Variants in PCCB observed in about 807,000 individuals in gnomAD.
PCCB encodes the protein propionyl-CoA carboxylase beta chain, mitochondrial.
A neutral mutation model predicts 60.7 loss-of-function variants in PCCB; 43 were observed. The ratio of observed to expected loss-of-function variants is 0.71; its 90% confidence interval spans 0.55 to 0.91. The LOEUF (loss-of-function observed/expected upper bound fraction) is 0.91. Among genes scored for constraint, PCCB ranks in the 40% least tolerant of loss-of-function variants. PCCB has a pLI of 0.00. For synonymous variants in PCCB, 276 were observed against 255.9 expected (o/e 1.08, Z -0.75); for missense variants, 766 against 702.8 (o/e 1.09, Z -1.02).
At chr3:136,295,225 A>T (rs1426750754) in intron 7 of PCCB, among the ~76,000 whole-genome samples, 1 of 152,226 alleles carries the variant, frequency 6.6e-6, no homozygotes, top group African/African-American at 2.4e-5. Context: ...TGATTTATGC[A>T]CCTCATTGTA....
chr3:136,260,513 C>T lies in PCCB; in HGVS notation c.407C>T (p.Ala136Val), dbSNP rs746745733. Residue 136 changes from alanine (A) to valine (V), a missense_variant, in exon 4 of 15, where the codon GCA becomes GTA. Transcript: ENST00000251654. Reference sequence around the variant, plus strand: ...GTTTTTGGAGGCAGTCTGTCAGGAGCACATGCCCAAAAGATCTGCAAAGTA... The same window carrying T: ...GTTTTTGGAGGCAGTCTGTCAGGAGTACATGCCCAAAAGATCTGCAAAGTA... ...FTVFGGSLSG[A>V]HAQKICKIMD... is the part of the protein sequence containing the mutation. 5 of 1,613,500 alleles carry T rather than the reference C, an allele frequency of 3.1e-6. No homozygotes were observed. Among genetic ancestry groups the T allele is most frequent in the Admixed American group, 1.7e-5 (1 of 60,004 alleles).
intron 5 of PCCB, among the ~76,000 whole-genome samples, chr3:136,268,087 G>GACATATATATAT (rs1553775716): frequency 1.1e-5 from 1 of 93,800 alleles, no homozygotes; most frequent in African/African-American, 4.6e-5. Context: ...TGTGTGTGTA[G>GACATATATATAT]ATATATATAT....
intron 10 of PCCB, among the ~76,000 whole-genome samples, chr3:136,325,091 T>C (rs1935256096): frequency 6.6e-6 from 1 of 152,138 alleles, no homozygotes; most frequent in Non-Finnish European, 1.5e-5. Context: ...GGTTTTGCCA[T>C]TTTGGCCAGG....
chr3:136,251,102 G>T, intron 1 of PCCB: 1 of 415,582 alleles, frequency 2.4e-6, no homozygotes, highest in Non-Finnish European at 4.9e-6. Context: ...GCTCTTTAGG[G>T]CCTTAGCATG....
At chr3:136,304,390 A>T (rs71336056) in intron 9 of PCCB, among the ~76,000 whole-genome samples, 65,876 of 113,618 alleles carry the variant, frequency 0.58, 25,084 homozygotes, top group African/African-American at 0.61. Flanking sequence ...TTATTTATTT[A>T]TTTTTTTTTG....
In PCCB at chr3:136,250,524, G is replaced by C; in HGVS notation, c.149G>C (p.Gly50Ala). 6.2e-7 allele frequency: 1 copy of C among 1,612,968 alleles called. No individual in the cohort carries two copies. Among genetic ancestry groups the C allele is most frequent in the Non-Finnish European group, 8.5e-7 (1 of 1,179,782 alleles). ...AAGCGCCGGACCGCGCTGCTGGGAG[G>C]GGGCCAACGCCGTATTGACGCGCAG... ...ENKRRTALLG[G>A]GQRRIDAQHK... The change falls in exon 1 of 15, where the codon GGG becomes GCG. Residue 50 changes from glycine to alanine, a missense_variant. Gly to Ala is a moderately conservative substitution (Grantham distance 60). Coordinates refer to ENST00000251654, the MANE Select transcript of PCCB (RefSeq NM_000532.5).
intron 6 of PCCB, among the ~76,000 whole-genome samples, chr3:136,287,365 A>C (rs1933465561): frequency 6.6e-6 from 1 of 150,896 alleles, no homozygotes; most frequent in South Asian, 2.1e-4. Context: ...TTGAAAATGT[A>C]GTTCATTCAC....
At chr3:136,269,900 A>T (rs1436075817) in intron 5 of PCCB, among the ~76,000 whole-genome samples, 16 of 151,164 alleles carry the variant, frequency 1.1e-4, no homozygotes, top group Admixed American at 7.9e-4. Context: ...AAAAAAAAAA[A>T]AAAAAAATAA....
rs397694948 is a variant in PCCB at position 136,317,212 on chromosome 3, A to ATTTTTTTTTTT, written c.1090+168_1090+178dup. ...ATCTAAATGGTTGTTATAAAAGCTA[A>ATTTTTTTTTTT]TTTTTTTTTTTTTTTTTTTTTTTTT... On this transcript the variant is annotated intron_variant, in intron 10 of 14. Coordinates refer to ENST00000251654, the MANE Select transcript of PCCB (RefSeq NM_000532.5). 1.4e-4 allele frequency: 36 copies of ATTTTTTTTTTT among 259,662 alleles called. 1 individual carries two copies. Among genetic ancestry groups the ATTTTTTTTTTT allele is most frequent in the East Asian group, 5.4e-4 (3 of 5,586 alleles). The allele number at this position is 259,662 out of a possible 1,614,324, so 16.1% of individuals were successfully genotyped here. A position where few individuals can be genotyped will look rare whatever the true frequency, so the allele number is the denominator to read the frequency against.
intron 8 of PCCB, among the ~76,000 whole-genome samples, chr3:136,298,517 TCTAC>T (rs1341712415): frequency 6.6e-6 from 1 of 152,204 alleles, no homozygotes; most frequent in African/African-American, 2.4e-5. Flanking sequence ...GTTCCTGGGC[TCTAC>T]CTAGTTGTCC....
At chr3:136,280,348 C>T (rs1272784676) in intron 5 of PCCB, among the ~76,000 whole-genome samples, 1 of 152,010 alleles carries the variant, frequency 6.6e-6, no homozygotes, top group Non-Finnish European at 1.5e-5. Context: ...TGTTTCAATA[C>T]TTCTTTTTTT....
chr3:136,256,755 T>C, intron 3 of PCCB, 132 bp downstream of exon 3: 2 of 727,718 alleles, frequency 2.7e-6, no homozygotes, highest in Non-Finnish European at 5.1e-6. Flanking sequence ...TGCTTTGCTT[T>C]TCAGTGCGTG....
intron 5 of PCCB, among the ~76,000 whole-genome samples, chr3:136,266,047 G>A (rs1355284873): frequency 6.6e-6 from 1 of 151,464 alleles, no homozygotes; most frequent in African/African-American, 2.4e-5. Flanking sequence ...GGATGGTCTC[G>A]ATCTCCTGAC....
rs558139695 is a variant in PCCB, at chr3:136,307,383, G to GA, written c.966+6279dup. 2.6e-5 allele frequency among the ~76,000 whole-genome samples: 4 copies of GA among 152,012 alleles called. No homozygotes were observed. In the East Asian group the frequency reaches 5.8e-4, roughly 22 times the overall value. On this transcript the variant is annotated intron_variant, in intron 9 of 14. Coordinates refer to ENST00000251654, the MANE Select transcript of PCCB (RefSeq NM_000532.5). ...TATAAGTACTATATGTTTAGTTTCA[G>GA]AAAAAAATGCAACTGAAAAATGGGA...
At chr3:136,261,402 G>C (rs1037985272) in intron 4 of PCCB, among the ~76,000 whole-genome samples, 4 of 152,190 alleles carry the variant, frequency 2.6e-5, no homozygotes, top group Non-Finnish European at 4.4e-5. Context: ...CCTCTGTTAT[G>C]ATGGGTAAAT....
intron 10 of PCCB, among the ~76,000 whole-genome samples, chr3:136,319,949 A>T (rs553963837): frequency 4.9e-4 from 74 of 152,286 alleles, no homozygotes; most frequent in Non-Finnish European, 3.2e-4. Flanking sequence ...CCGTTTGTTG[A>T]AGAGATTATT....
chr3:136,307,316 C>A, intron 9 of PCCB, among the ~76,000 whole-genome samples: 1 of 65,662 alleles, frequency 1.5e-5, no homozygotes, highest in Non-Finnish European at 4.4e-5. Flanking sequence ...AATTATAATT[C>A]TAAGACTAAA....
In PCCB at chr3:136,255,840, C is replaced by A. The variant is rs765090021; in HGVS notation, c.184-16C>A. On this transcript the variant is annotated splice_polypyrimidine_tract_variant and intron_variant, in intron 1 of 14. Transcript: ENST00000251654. ...GTCTGTGATGACATCACTGAGTGAT[C>A]TTTGTTCCATTGTAGGGAAAGCTAA... The A allele has an allele frequency of 1.9e-6, 3 of 1,612,234 alleles. No individual in the cohort carries two copies. Among genetic ancestry groups the A allele is most frequent in the Admixed American group, 1.7e-5 (1 of 59,988 alleles).
rs144943462 is a variant in PCCB at position 136,322,914 on chromosome 3, A to G, written c.1091-3889A>G. Among the ~76,000 whole-genome samples, 997 of 151,176 alleles carry G rather than the reference A, an allele frequency of 6.6e-3. 10 individuals carry two copies. Among genetic ancestry groups the G allele is most frequent in the African/African-American group, 0.023 (968 of 41,278 alleles). ...CTTTTATTCTTTTAGCATTTTAAAT[A>G]TGTTATCCTGCTGTCTCTGGCTTTC... On this transcript the variant is annotated intron_variant, in intron 10 of 14. Transcript: ENST00000251654.
Sources: allele counts gnomAD v4.1 joint callset (sites outside exome capture counted in the v4.1 genomes callset), GRCh38; gene constraint gnomAD v4.1.1; transcripts MANE v1.5; gene names NCBI Gene and HGNC (gene_info 2026-07-23, HGNC 2026-07-21).